NKX2-2: variants seen among roughly 807,000 people sequenced by gnomAD.
NKX2-2 encodes the protein NK2 homeobox 2.
A neutral mutation model predicts 24.6 loss-of-function variants in NKX2-2; 8 were observed. The ratio of observed to expected loss-of-function variants is 0.32; its 90% CI spans 0.19 to 0.59. The LOEUF (loss-of-function observed/expected upper bound fraction) is 0.59. Among genes scored for constraint, NKX2-2 ranks in the 20% least tolerant of loss-of-function variants. The pLI is 0.86. For synonymous variants in NKX2-2, 217 were observed against 173.3 expected (o/e 1.25, Z -1.98); for missense variants, 381 against 373.9 (o/e 1.02, Z -0.16).
upstream of NKX2-2, among the ~76,000 whole-genome samples, chr20:21,515,558 C>G (rs796825442): frequency 3.3e-5 from 5 of 151,428 alleles, no homozygotes; most frequent in African/African-American, 1.2e-4. Flanking sequence ...GAAAAGACCA[C>G]GCCGCATTTG....
Position 21,511,225 on chromosome 20 carries a change from G to A in NKX2-2, c.*698C>T, listed in dbSNP as rs1176554943. ...ATGTTTGCACAATAAAATAAAAAGA[G>A]AAAGGAAGAAAGCAGGGGAAAACGC... On this transcript the variant is annotated 3_prime_UTR_variant, in exon 2 of 2. Transcript: ENST00000377142. The A allele has an allele frequency of 8.5e-6, 1 of 117,378 alleles. No individual in the cohort carries two copies. Among genetic ancestry groups the A allele is most frequent in the East Asian group, 2.5e-4 (1 of 4,036 alleles). The allele number at this position is 117,378 out of a possible 1,614,324, so 7.3% of individuals were successfully genotyped here. A position where few individuals can be genotyped will look rare whatever the true frequency, so the allele number is the denominator to read the frequency against.
the NKX2-2 span, among the ~76,000 whole-genome samples, chr20:21,519,093 AGGC>A: frequency 2.6e-5 from 4 of 152,218 alleles, no homozygotes; most frequent in Admixed American, 6.5e-5. Flanking sequence ...CAGCAGCCCT[AGGC>A]GGCACACCTC....
Position 21,512,325 on chromosome 20 carries a change from G to C in NKX2-2, c.420C>G (p.Thr140=). Residue 140 remains threonine, a synonymous_variant, in exon 2 of 2, where the codon ACC becomes ACG. Coordinates refer to ENST00000377142, the MANE Select transcript of NKX2-2 (RefSeq NM_002509.4). ...GCCGAAAGCGCCGCTCCAGCTCGTAGGTCTGCGCCTTGGAGAAAAGCACTC... is the reference window on the plus strand; with the variant it reads ...GCCGAAAGCGCCGCTCCAGCTCGTACGTCTGCGCCTTGGAGAAAAGCACTC... ...KRRVLFSKAQ[T]YELERRFRQQ... is the part of the protein sequence containing the mutation. The C allele has an allele frequency of 6.2e-7, 1 of 1,613,318 alleles. No individual in the cohort carries two copies. Among genetic ancestry groups the C allele is most frequent in the Non-Finnish European group, 8.5e-7 (1 of 1,179,788 alleles).
At chr20:21,517,053 A>T (rs1980658198), upstream of NKX2-2, among the ~76,000 whole-genome samples, 1 of 152,200 alleles carries the variant, frequency 6.6e-6, no homozygotes, top group African/African-American at 2.4e-5. Flanking sequence ...TCCTAGGGGA[A>T]TCCTGGCTCC....
Position 21,512,024 on chromosome 20 carries a change from A to G in NKX2-2, c.721T>C (p.Ser241Pro). 1 of 1,613,584 alleles carries G rather than the reference A, an allele frequency of 6.2e-7. No individual in the cohort carries two copies. The highest frequency in any genetic ancestry group is 8.5e-7 in the Non-Finnish European group (1 of 1,179,922). Residue 241 changes from serine to proline, a missense_variant, in exon 2 of 2, where the codon TCG becomes CCG. Physicochemically the swap from Ser to Pro is moderately conservative, Grantham distance 74 (BLOSUM62 -1). Coordinates refer to ENST00000377142, the MANE Select transcript of NKX2-2 (RefSeq NM_002509.4). ...GIPFSAYSAQ[S>P]LQHMQYNAQY... ...GCGTTGTACTGCATGTGCTGCAGCGACTGCGCGCTGTAGGCAGAAAAGGGA... is the reference window on the plus strand; with the variant it reads ...GCGTTGTACTGCATGTGCTGCAGCGGCTGCGCGCTGTAGGCAGAAAAGGGA...
At chr20:21,514,200 A>T (rs1195611393), upstream of NKX2-2, among the ~76,000 whole-genome samples, 1 of 151,876 alleles carries the variant, frequency 6.6e-6, no homozygotes, top group African/African-American at 2.4e-5. Context: ...GAGCGGGAGA[A>T]GGGTGGAAAA....
chr20:21,516,536 C>T (rs1399193726), upstream of NKX2-2, among the ~76,000 whole-genome samples: 2 of 152,184 alleles, frequency 1.3e-5, no homozygotes, highest in East Asian at 3.9e-4. Flanking sequence ...AGTTTGGATC[C>T]AGGGGCGGGA....
upstream of NKX2-2, among the ~76,000 whole-genome samples, chr20:21,517,413 C>T (rs1416392576): frequency 6.6e-6 from 1 of 152,216 alleles, no homozygotes; most frequent in Non-Finnish European, 1.5e-5. Flanking sequence ...GTCCACAGCA[C>T]TCAGCCTCTC....
At position 21,512,458 on chromosome 20, in the gene NKX2-2, G is replaced by T. The variant is rs766535943; in HGVS notation, c.287C>A (p.Pro96His). 4 of 1,581,026 alleles carry T rather than the reference G, an allele frequency of 2.5e-6. No homozygotes were observed. The highest frequency in any genetic ancestry group is 1.9e-4 in the Middle Eastern group (1 of 5,260). ...SLHGLAAGAP[P>H]QDSSSKSPEP... ...CGGGGACTTGGAGCTTGAGTCCTGA[G>T]GGGGCGCCCCGGCAGCCAGACCGTG... is the stretch of plus-strand genomic sequence containing the variant. The change falls in exon 2 of 2, where the codon CCT becomes CAT. Residue 96 changes from proline to histidine, a missense_variant. Around this residue, in one of 3 missense-constraint regions of NKX2-2, gnomAD observed 206 missense variants for 173.1 expected, o/e 1.19. Coordinates refer to ENST00000377142, the MANE Select transcript of NKX2-2 (RefSeq NM_002509.4).
chr20:21,516,249 C>A (rs1040587549), upstream of NKX2-2, among the ~76,000 whole-genome samples: 1 of 152,084 alleles, frequency 6.6e-6, no homozygotes, highest in Admixed American at 6.5e-5. Context: ...TAAGGAAACC[C>A]CTTCATGTCG....
chr20:21,515,388 A>C (rs1980606945), upstream of NKX2-2, among the ~76,000 whole-genome samples: 1 of 151,778 alleles, frequency 6.6e-6, no homozygotes, highest in Admixed American at 6.6e-5. Flanking sequence ...CTCCCACGCG[A>C]GTTCTTTAGT....
the NKX2-2 span, among the ~76,000 whole-genome samples, chr20:21,520,724 G>A: frequency 6.6e-6 from 1 of 152,006 alleles, no homozygotes; most frequent in Non-Finnish European, 1.5e-5. Flanking sequence ...GGAACCAAAC[G>A]CCACGTCCCC....
rs542885683 is a variant in NKX2-2 at position 21,512,462 on chromosome 20, G to T, written c.283C>A (p.Pro95Thr). 6 of 1,578,670 alleles carry T rather than the reference G, an allele frequency of 3.8e-6. No homozygotes were observed. The highest frequency in any genetic ancestry group is 5.1e-6 in the Non-Finnish European group (6 of 1,170,578). The change falls in exon 2 of 2, where the codon CCC becomes ACC. Residue 95 changes from proline to threonine, a missense_variant. By Grantham distance (38) the Pro-to-Thr change is conservative. Transcript: ENST00000377142. ...YSLHGLAAGA[P>T]PQDSSSKSPE... ...GACTTGGAGCTTGAGTCCTGAGGGG[G>T]CGCCCCGGCAGCCAGACCGTGCACT...
chr20:21,520,725 C>A, the NKX2-2 span, among the ~76,000 whole-genome samples: 1 of 152,000 alleles, frequency 6.6e-6, no homozygotes, highest in Non-Finnish European at 1.5e-5. Context: ...GAACCAAACG[C>A]CACGTCCCCC....
At chr20:21,520,728 C>T in the NKX2-2 span, among the ~76,000 whole-genome samples, 3 of 152,114 alleles carry the variant, frequency 2.0e-5, no homozygotes, top group Middle Eastern at 3.4e-3. Context: ...CCAAACGCCA[C>T]GTCCCCCTGG....
intron 1 of NKX2-2, among the ~76,000 whole-genome samples, chr20:21,512,823 C>G (rs1462048242): frequency 6.6e-6 from 1 of 152,176 alleles, no homozygotes; most frequent in South Asian, 2.1e-4. Context: ...TCCGGCGAGA[C>G]GTGGGCAGAT....
At chr20:21,516,147 G>A (rs1468266344), upstream of NKX2-2, among the ~76,000 whole-genome samples, 1 of 152,098 alleles carries the variant, frequency 6.6e-6, no homozygotes, top group Non-Finnish European at 1.5e-5. Flanking sequence ...CTAACTGTTT[G>A]GAATAAATCT....
chr20:21,516,228 G>C (rs1022295475), upstream of NKX2-2, among the ~76,000 whole-genome samples: 2 of 151,886 alleles, frequency 1.3e-5, no homozygotes, highest in African/African-American at 4.8e-5. Flanking sequence ...TTCTGAATCC[G>C]TCCACAATAT....
rs1402311246 is a variant in NKX2-2 at position 21,511,934 on chromosome 20, A to T, written c.811T>A (p.Trp271Arg). 6.3e-7 allele frequency: 1 copy of T among 1,586,010 alleles called. No homozygotes were observed. Among genetic ancestry groups the T allele is most frequent in the Non-Finnish European group, 8.6e-7 (1 of 1,166,012 alleles). The change falls in exon 2 of 2, where the codon TGG becomes AGG. Residue 271 changes from tryptophan (W) to arginine (R), a missense_variant. Physicochemically the swap from Trp to Arg is moderately radical, Grantham distance 101. Coordinates refer to ENST00000377142, the MANE Select transcript of NKX2-2 (RefSeq NM_002509.4). ...TAHPLVQAQQWTW is the reference protein window; with the variant it reads ...TAHPLVQAQQRTW ...CGTTGGGGCGGCGCTCACCAAGTCCACTGCTGGGCCTGGACCAGGGGGTGT... is the reference window on the plus strand; with the variant it reads ...CGTTGGGGCGGCGCTCACCAAGTCCTCTGCTGGGCCTGGACCAGGGGGTGT...
Sources: allele counts gnomAD v4.1 joint callset (sites outside exome capture counted in the v4.1 genomes callset), GRCh38; gene constraint gnomAD v4.1.1; regional missense constraint gnomAD v4.1.1; transcripts MANE v1.5; gene names NCBI Gene and HGNC (gene_info 2026-07-23, HGNC 2026-07-21).